The following GLB1L3 variants were observed in gnomAD, a reference collection of about 807,000 sequenced individuals.
GLB1L3 encodes beta-galactosidase-1-like protein 3.
GLB1L3 carries 89 observed loss-of-function variants against 89.5 expected under a neutral mutation model. That is an observed-to-expected ratio of 0.99 (90% CI 0.84 to 1.19). The LOEUF is 1.19. GLB1L3 is among the 50% of genes most tolerant of loss of function. The probability of loss-of-function intolerance (pLI) is 0.00; values close to 1 mark genes in which losing one functional copy is unlikely to be tolerated. For missense variants in GLB1L3, 812 were observed against 813.3 expected (o/e 1.00, Z 0.02); for synonymous variants, 314 against 312.3 (o/e 1.01, Z -0.06).
In GLB1L3 at chr11:134,292,184, A is replaced by C; in HGVS notation, c.782A>C (p.Lys261Thr). 6.2e-7 allele frequency: 1 copy of C among 1,613,604 alleles called. No homozygotes were observed. The highest frequency in any genetic ancestry group is 8.5e-7 in the Non-Finnish European group (1 of 1,179,680). ...VELLLTSDGE[K>T]HVLSGHTKGV... Reference sequence around the variant, plus strand: ...CTTCTCTTGACCTCTGATGGTGAGAAACATGTGCTGAGTGGCCACACCAAA... The same window carrying C: ...CTTCTCTTGACCTCTGATGGTGAGACACATGTGCTGAGTGGCCACACCAAA... The change falls in exon 8 of 20, where the codon AAA (lysine) becomes ACA (threonine). Residue 261 changes from lysine (K) to threonine (T), a missense_variant. Transcript: ENST00000431683.
chr11:134,280,182 T>G (rs1421679100), intron 3 of GLB1L3, among the ~76,000 whole-genome samples: 3 of 152,082 alleles, frequency 2.0e-5, no homozygotes, highest in Non-Finnish European at 4.4e-5. Flanking sequence ...TTTATTTATT[T>G]ATTTATTTAA....
At chr11:134,296,479 T>C (rs1366446883) in intron 9 of GLB1L3, among the ~76,000 whole-genome samples, 1 of 131,618 alleles carries the variant, frequency 7.6e-6, no homozygotes, top group African/African-American at 2.9e-5. Context: ...TAAGAAAATG[T>C]GGCACATATA....
Position 134,311,384 on chromosome 11 carries a change from C to T in GLB1L3, c.1287+214C>T, listed in dbSNP as rs573819370. 9.7e-5 allele frequency: 52 copies of T among 538,332 alleles called. No individual in the cohort carries two copies. In the Middle Eastern group the frequency reaches 1.5e-3, roughly 15 times the overall value. The allele number at this position is 538,332 out of a possible 1,614,324, so 33.3% of individuals were successfully genotyped here. A position where few individuals can be genotyped will look rare whatever the true frequency, so the allele number is the denominator to read the frequency against. ...GTGCAGGGGAGGGGCAGCAGGACGT[C>T]GGAGGATCCCGGGTTCCCGCTTAGA... On this transcript the variant is annotated intron_variant, in intron 13 of 19. Coordinates refer to ENST00000431683, the MANE Select transcript of GLB1L3 (RefSeq NM_001080407.3).
At position 134,313,407 on chromosome 11, in the gene GLB1L3, C is replaced by T. The variant is rs1282147154; in HGVS notation, c.1512C>T (p.Tyr504=). The change falls in exon 16 of 20, where the codon TAC becomes TAT. Residue 504 remains tyrosine (Y), a synonymous_variant. Coordinates refer to ENST00000431683, the MANE Select transcript of GLB1L3 (RefSeq NM_001080407.3). ...GCCTGTCCCAGCAGGACTGCCGATA[C>T]CTGAGGATCCTGGTGGAGAATCAAG... The part of the protein sequence containing the change: ...LHIPELRDCR[Y]LRILVENQGR... 6.3e-7 allele frequency: 1 copy of T among 1,581,848 alleles called. No homozygotes were observed. The highest frequency in any genetic ancestry group is 8.6e-7 in the Non-Finnish European group (1 of 1,163,742).
downstream of GLB1L3, among the ~76,000 whole-genome samples, chr11:134,319,724 A>ATGTGTGTG (rs71464005): frequency 7.8e-6 from 1 of 128,182 alleles, no homozygotes; most frequent in African/African-American, 2.8e-5. Flanking sequence ...CTCTCTGTGT[A>ATGTGTGTG]TGTGTGTGTG....
intron 5 of GLB1L3, among the ~76,000 whole-genome samples, chr11:134,283,382 A>G (rs1401439829): frequency 6.6e-6 from 1 of 152,156 alleles, no homozygotes; most frequent in African/African-American, 2.4e-5. Flanking sequence ...TTTTCAATAA[A>G]CTGAAAAAGA....
rs377352405 is a variant in GLB1L3 at position 134,314,374 on chromosome 11, G to A, written c.1712G>A (p.Gly571Asp). ...AAGCCTGTCCCAGACAGCCACCAGG[G>A]CCCGGCCTTCTACTGTGGGACCTTG... ...TWKPVPDSHQGPAFYCGTLKA... is the reference protein window; with the variant it reads ...TWKPVPDSHQDPAFYCGTLKA... Residue 571 changes from glycine to aspartate, a missense_variant, in exon 18 of 20, where the codon GGC (glycine) becomes GAC (aspartate). Around this residue, in one of 3 missense-constraint regions of GLB1L3, gnomAD observed 618 missense variants for 604.0 expected, o/e 1.02. Coordinates refer to ENST00000431683, the MANE Select transcript of GLB1L3 (RefSeq NM_001080407.3). 2 of 1,551,464 alleles carry A rather than the reference G, an allele frequency of 1.3e-6. No individual in the cohort carries two copies. The highest frequency in any genetic ancestry group is 1.7e-6 in the Non-Finnish European group (2 of 1,146,946).
chr11:134,312,460 C>T lies in GLB1L3; in HGVS notation c.1399C>T (p.Leu467Phe). Residue 467 changes from leucine to phenylalanine, a missense_variant, in exon 14 of 20, where the codon CTC (leucine) becomes TTC (phenylalanine). By Grantham distance (22) the Leu-to-Phe change is conservative (BLOSUM62 0). Around this residue, in one of 3 missense-constraint regions of GLB1L3, gnomAD observed 618 missense variants for 604.0 expected, o/e 1.02. Coordinates refer to ENST00000431683, the MANE Select transcript of GLB1L3 (RefSeq NM_001080407.3). ...YEKSICSGGRLRAHAHDVAQV... is the reference protein window; with the variant it reads ...YEKSICSGGRFRAHAHDVAQV... ...GAAGTCCATCTGCTCCGGAGGCCGC[C>T]TCCGTGCCCACGCTCATGACGTGGC... 6.2e-7 allele frequency: 1 copy of T among 1,613,236 alleles called. No individual in the cohort carries two copies. The highest frequency in any genetic ancestry group is 2.2e-5 in the East Asian group (1 of 44,878).
At chr11:134,293,849 G>A (rs1180813500) in intron 9 of GLB1L3, among the ~76,000 whole-genome samples, 1 of 152,006 alleles carries the variant, frequency 6.6e-6, no homozygotes, top group Non-Finnish European at 1.5e-5. Flanking sequence ...TGTCCTTTGT[G>A]CCCAGGATGA....
intron 9 of GLB1L3, among the ~76,000 whole-genome samples, chr11:134,296,032 A>G (rs537323926): frequency 6.6e-6 from 1 of 152,314 alleles, no homozygotes; most frequent in South Asian, 2.1e-4. Flanking sequence ...GGATCATAAT[A>G]TGGTCATTCT....
chr11:134,305,136 C>A, intron 9 of GLB1L3: 2 of 1,534,202 alleles, frequency 1.3e-6, no homozygotes, highest in Non-Finnish European at 1.8e-6. Flanking sequence ...AGATGCAGGA[C>A]TGCTCTCAGA....
At position 134,309,977 on chromosome 11, in the gene GLB1L3, C is replaced by T. The variant is rs1942643821; in HGVS notation, c.1099+214C>T. ...AGACAGGGCTTTCCGGGACTTAGAG[C>T]TCCGCTTCACACATCTGGTATACTG... On this transcript the variant is annotated intron_variant, in intron 11 of 19. Coordinates refer to ENST00000431683, the MANE Select transcript of GLB1L3 (RefSeq NM_001080407.3). 5 of 580,294 alleles carry T rather than the reference C, an allele frequency of 8.6e-6. No homozygotes were observed. The South Asian group carries it at 1.1e-4, about 12-fold the overall frequency. The allele number at this position is 580,294 out of a possible 1,614,324, so 35.9% of individuals were successfully genotyped here.
Position 134,288,825 on chromosome 11 carries a change from G to T in GLB1L3, c.664G>T (p.Val222Leu). 3 of 1,613,510 alleles carry T rather than the reference G, an allele frequency of 1.9e-6. No homozygotes were observed. The South Asian group carries it at 3.3e-5, about 18-fold the overall frequency. ...CCGCCAGGCAGGCCCTGTCATCGCG[G>T]TGCAAGTGGAGAATGAGTATGGCTC... ...QYRQAGPVIA[V>L]QVENEYGSFN... is the part of the protein sequence containing the mutation. The change falls in exon 7 of 20, where the codon GTG becomes TTG. Residue 222 changes from valine (V) to leucine (L), a missense_variant. Val to Leu is a conservative substitution (Grantham distance 32). Transcript: ENST00000431683.
chr11:134,308,235 CCATCACCAT>C (rs1565412585), intron 10 of GLB1L3, among the ~76,000 whole-genome samples: 4 of 27,768 alleles, frequency 1.4e-4, no homozygotes, highest in Non-Finnish European at 2.1e-4. Flanking sequence ...ACCACCACCA[CCATCACCAT>C]CACCACCATC....
downstream of GLB1L3, among the ~76,000 whole-genome samples, chr11:134,323,512 T>C (rs977447331): frequency 4.0e-5 from 6 of 151,806 alleles, no homozygotes; most frequent in Non-Finnish European, 7.4e-5. Flanking sequence ...GAGGCGGAGC[T>C]TGCAGTGAGC....
At chr11:134,310,035 G>A (rs1180890220) in intron 11 of GLB1L3, 2 of 485,512 alleles carry the variant, frequency 4.1e-6, no homozygotes, top group Non-Finnish European at 7.4e-6. Flanking sequence ...AGAGAGGCAG[G>A]GTAGGAACGG....
chr11:134,288,355 T>G (rs1173691160), intron 6 of GLB1L3, among the ~76,000 whole-genome samples: 1 of 152,128 alleles, frequency 6.6e-6, no homozygotes, highest in African/African-American at 2.4e-5. Context: ...GGAGGTCAGC[T>G]TGTTGCAAAG....
At chr11:134,283,669 T>G in intron 5 of GLB1L3, 68 bp from the exon 6 acceptor site, 1 of 865,798 alleles carries the variant, frequency 1.2e-6, no homozygotes. Flanking sequence ...CCGGGGCAGC[T>G]CTGAGCCCAC....
chr11:134,285,177 C>T (rs1940913449), intron 6 of GLB1L3, among the ~76,000 whole-genome samples: 1 of 152,062 alleles, frequency 6.6e-6, no homozygotes, highest in Non-Finnish European at 1.5e-5. Context: ...ATCCCACCAC[C>T]TCTGCCTCCC....
Sources: gnomAD v4.1 joint callset for allele counts (sites outside exome capture counted in the v4.1 genomes callset) on GRCh38, gnomAD v4.1.1 for gene constraint, gnomAD v4.1.1 regional missense constraint, MANE v1.5 for transcripts, NCBI Gene and HGNC (gene_info 2026-07-23, HGNC 2026-07-21) for gene names.